The following WDR49 variants were observed in gnomAD, a reference collection of about 807,000 sequenced individuals.
WDR49 encodes the protein WD repeat domain 49.
A neutral mutation model predicts 119.5 loss-of-function variants in WDR49; 107 were observed. The ratio of observed to expected loss-of-function variants is 0.90; its 90% CI spans 0.77 to 1.05. The LOEUF is 1.05. Ranked by LOEUF, WDR49 falls within the 50% of genes least tolerant of loss-of-function variation. WDR49 has a pLI of 0.00. For synonymous variants in WDR49, 425 were observed against 418.8 expected, an observed-to-expected ratio of 1.01 and a Z score of -0.18; for missense variants, 1,240 against 1,220.5, an observed-to-expected ratio of 1.02 and a Z score of -0.24.
intron 2 of WDR49, among the ~76,000 whole-genome samples, chr3:167,632,329 TTCCAAAG>T (rs2108331780): frequency 1.3e-5 from 2 of 152,218 alleles, no homozygotes; most frequent in South Asian, 4.1e-4. Flanking sequence ...AAATTTTCTT[TTCCAAAG>T]TGATATAAGC....
intron 7 of WDR49, among the ~76,000 whole-genome samples, chr3:167,600,538 A>C (rs1577267728): frequency 6.6e-6 from 1 of 152,048 alleles, no homozygotes; most frequent in Non-Finnish European, 1.5e-5. Context: ...TGGTGTTCCT[A>C]TTGGGGGAGA....
intron 18 of WDR49, among the ~76,000 whole-genome samples, chr3:167,496,820 C>T (rs932566014): frequency 3.3e-5 from 5 of 152,124 alleles, no homozygotes; most frequent in Admixed American, 2.6e-4. Context: ...AGTGTATATA[C>T]AATCTGCTTC....
rs150064507 is a variant in WDR49 at position 167,480,314 on chromosome 3, G to A, written c.3032-1318C>T. Among the ~76,000 whole-genome samples the A allele has an allele frequency of 2.6e-3, 374 of 144,890 alleles. 5 individuals carry two copies. The East Asian group carries it at 0.029, about 11-fold the overall frequency. ...TATTAGAATAACTCTGAATAATTCA[G>A]TACAATTTAAAAGAAGCATAAAATA... On this transcript the variant is annotated intron_variant, in intron 18 of 18. Transcript: ENST00000682715.
chr3:167,565,325 A>G (rs1713527589), intron 8 of WDR49, among the ~76,000 whole-genome samples: 1 of 150,206 alleles, frequency 6.7e-6, no homozygotes, highest in African/African-American at 2.5e-5. Flanking sequence ...CTGCTCTTGC[A>G]TTTTGTCCAG....
intron 5 of WDR49, among the ~76,000 whole-genome samples, chr3:167,608,840 T>A (rs1039211625): frequency 6.6e-6 from 1 of 151,264 alleles, no homozygotes; most frequent in African/African-American, 2.4e-5. Context: ...TATAACATTA[T>A]AGAGAAAAAA....
At chr3:167,656,928 GC>G (rs1406231316), upstream of WDR49, among the ~76,000 whole-genome samples, 1 of 152,124 alleles carries the variant, frequency 6.6e-6, no homozygotes, top group African/African-American at 2.4e-5. Context: ...GACAACACCT[GC>G]CAGCATAGTG....
At chr3:167,636,487 CT>C (rs896282447) in intron 2 of WDR49, among the ~76,000 whole-genome samples, 5 of 151,370 alleles carry the variant, frequency 3.3e-5, no homozygotes, top group African/African-American at 7.3e-5. Context: ...ATAATGACTT[CT>C]TTTCCTCTGG....
At chr3:167,513,507 C>T (rs1019661919) in intron 16 of WDR49, among the ~76,000 whole-genome samples, 2 of 152,110 alleles carry the variant, frequency 1.3e-5, no homozygotes, top group South Asian at 2.1e-4. Context: ...TACAAAAACA[C>T]CCTGAAGTAC....
chr3:167,636,603 C>T (rs1426928118), intron 2 of WDR49, among the ~76,000 whole-genome samples: 1 of 151,754 alleles, frequency 6.6e-6, no homozygotes, highest in Non-Finnish European at 1.5e-5. Context: ...AGTTTGCATT[C>T]CCACCAGCAA....
At chr3:167,534,157 T>A (rs542528676) in intron 11 of WDR49, among the ~76,000 whole-genome samples, 197 of 151,906 alleles carry the variant, frequency 1.3e-3, no homozygotes, top group Non-Finnish European at 2.4e-3. Context: ...ATTACACCAT[T>A]GCACTCCAGC....
At chr3:167,524,908 T>C (rs1752579942) in intron 15 of WDR49, among the ~76,000 whole-genome samples, 1 of 152,194 alleles carries the variant, frequency 6.6e-6, no homozygotes, top group African/African-American at 2.4e-5. Flanking sequence ...CAGTTCCATA[T>C]AAAATTTAAA....
At chr3:167,643,094 CAA>C (rs1179311763) in intron 2 of WDR49, among the ~76,000 whole-genome samples, 1 of 151,944 alleles carries the variant, frequency 6.6e-6, no homozygotes, top group Non-Finnish European at 1.5e-5. Flanking sequence ...TTGTTTCCAG[CAA>C]AGATAATCAA....
chr3:167,550,190 T>A (rs1332415409), intron 10 of WDR49, among the ~76,000 whole-genome samples: 1 of 152,144 alleles, frequency 6.6e-6, no homozygotes, highest in Non-Finnish European at 1.5e-5. Flanking sequence ...CTTTTTTGGT[T>A]CCATATGAAC....
intron 10 of WDR49, among the ~76,000 whole-genome samples, chr3:167,539,786 CACTT>C (rs1385302298): frequency 6.6e-6 from 1 of 152,134 alleles, no homozygotes; most frequent in African/African-American, 2.4e-5. Flanking sequence ...TTTTTTATAA[CACTT>C]ACTACTGTAT....
chr3:167,566,454 G>A (rs1485402109), intron 8 of WDR49, among the ~76,000 whole-genome samples: 1 of 152,058 alleles, frequency 6.6e-6, no homozygotes, highest in African/African-American at 2.4e-5. Flanking sequence ...ACGTATAAAA[G>A]CAATGTACAA....
At chr3:167,483,903 A>C (rs1258392819) in intron 18 of WDR49, among the ~76,000 whole-genome samples, 3 of 152,196 alleles carry the variant, frequency 2.0e-5, no homozygotes. Context: ...TGATGTCATT[A>C]ACTTAACATC....
intron 8 of WDR49, among the ~76,000 whole-genome samples, chr3:167,569,565 C>T (rs1713808773): frequency 6.6e-6 from 1 of 151,692 alleles, no homozygotes; most frequent in Non-Finnish European, 1.5e-5. Context: ...GGGCACAGTG[C>T]CTATGCCTGT....
rs377410313 is a variant in WDR49, at chr3:167,599,728, T to C, written c.1275+2399A>G. On this transcript the variant is annotated intron_variant, in intron 7 of 18. Coordinates refer to ENST00000682715, the MANE Select transcript of WDR49 (RefSeq NM_001366157.1). The stretch of plus-strand genomic sequence containing the variant: ...TCTCAGTCTCACCCAAGTTCCATGG[T>C]GTACTATCTGGCTATCTCTGCTGTT... Among the ~76,000 whole-genome samples, 4 of 152,082 alleles carry C rather than the reference T, an allele frequency of 2.6e-5. No individual in the cohort carries two copies. In the East Asian group the frequency reaches 5.8e-4, roughly 22 times the overall value.
chr3:167,626,332 C>G (rs1368112688), intron 3 of WDR49, among the ~76,000 whole-genome samples: 7 of 151,986 alleles, frequency 4.6e-5, no homozygotes, highest in Non-Finnish European at 1.0e-4. Flanking sequence ...AATCTACCAT[C>G]TGCTTCATAT....
Sources: allele counts gnomAD v4.1 joint callset (sites outside exome capture counted in the v4.1 genomes callset), GRCh38; gene constraint gnomAD v4.1.1; transcripts MANE v1.5; gene names NCBI Gene and HGNC (gene_info 2026-07-23, HGNC 2026-07-21).